The following PREX2 variants were observed in gnomAD, a reference collection of about 807,000 sequenced individuals.
PREX2 encodes the protein phosphatidylinositol-3,4,5-trisphosphate dependent Rac exchange factor 2, also known as phosphatidylinositol 3,4,5-trisphosphate-dependent Rac exchanger 2 protein.
A neutral mutation model predicts 203.2 loss-of-function variants in PREX2; 107 were observed. That is an observed-to-expected ratio of 0.53 (90% CI 0.45 to 0.62). The LOEUF (loss-of-function observed/expected upper bound fraction) is 0.62, where lower values mean the gene tolerates loss of function less well. Ranked by LOEUF, PREX2 falls within the 20% of genes least tolerant of loss-of-function variation. The pLI, the probability that PREX2 is intolerant of heterozygous loss-of-function variation, is 0.00. For missense variants in PREX2, 1,777 were observed against 1,955.9 expected, an observed-to-expected ratio of 0.91 and a Z score of 1.72; for synonymous variants, 672 against 663.6, an observed-to-expected ratio of 1.01 and a Z score of -0.19.
At chr8:68,140,621 G>C (rs1811209931) in intron 33 of PREX2, among the ~76,000 whole-genome samples, 1 of 152,268 alleles carries the variant, frequency 6.6e-6, no homozygotes, top group Non-Finnish European at 1.5e-5. Context: ...GAAGCATGAA[G>C]GTGTAAAGAC....
chr8:68,024,734 C>T (rs1357796940), intron 4 of PREX2, among the ~76,000 whole-genome samples: 1 of 151,906 alleles, frequency 6.6e-6, no homozygotes, highest in Non-Finnish European at 1.5e-5. Context: ...TTACCACCTA[C>T]TTTTGTGTCA....
At position 68,038,256 on chromosome 8, in the gene PREX2, T is replaced by C. The variant is rs766147306; in HGVS notation, c.803T>C (p.Phe268Ser). The C allele has an allele frequency of 1.2e-6, 2 of 1,613,920 alleles. No homozygotes were observed. Among genetic ancestry groups the C allele is most frequent in the South Asian group, 1.1e-5 (1 of 91,076 alleles). Residue 268 changes from phenylalanine (F) to serine (S), a missense_variant, in exon 7 of 40, where the codon TTC (phenylalanine) becomes TCC (serine). Physicochemically the swap from Phe to Ser is radical, Grantham distance 155 (BLOSUM62 -2). Coordinates refer to ENST00000288368, the MANE Select transcript of PREX2 (RefSeq NM_024870.4). ...ATTCAAGAACGGGTGTTTTTTCTTT[T>C]CGATAATCTTTTGGTGTACTGCAAA... ...GNIQERVFFL[F>S]DNLLVYCKRK...
chr8:68,090,543 ATTTG>A, intron 19 of PREX2, 32 bp from the exon 20 acceptor site: 1 of 1,572,186 alleles, frequency 6.4e-7, no homozygotes, highest in Non-Finnish European at 8.7e-7. Context: ...TATTCCTGAA[ATTTG>A]TTTTTGGTTA....
intron 6 of PREX2, among the ~76,000 whole-genome samples, chr8:68,033,572 C>T (rs1439401266): frequency 6.6e-6 from 1 of 152,164 alleles, no homozygotes; most frequent in African/African-American, 2.4e-5. Flanking sequence ...GCTACAGTGT[C>T]AGACCTGAGA....
intron 35 of PREX2, among the ~76,000 whole-genome samples, chr8:68,185,332 C>G (rs757092458): frequency 6.6e-5 from 10 of 152,310 alleles, no homozygotes; most frequent in Non-Finnish European, 1.3e-4. Flanking sequence ...TTCTCTCTCT[C>G]TCTACCTTAC....
In PREX2 at chr8:68,119,457, C is replaced by T. The variant is rs1810723322; in HGVS notation, c.3447C>T (p.Arg1149=). Residue 1149 remains arginine, a synonymous_variant, in exon 28 of 40, where the codon CGC becomes CGT. Transcript: ENST00000288368. ...DSGDELPLSV[R]ISHDKQDKIH... is the part of the protein sequence containing the mutation. The stretch of plus-strand genomic sequence containing the variant: ...GTGATGAACTTCCCTTAAGTGTTCG[C>T]ATATCTCATGATAAACAGGACAAGA... The T allele has an allele frequency of 6.2e-7, 1 of 1,613,632 alleles. No homozygotes were observed. The highest frequency in any genetic ancestry group is 8.5e-7 in the Non-Finnish European group (1 of 1,179,682).
At chr8:67,984,631 A>G (rs1455113261) in intron 1 of PREX2, among the ~76,000 whole-genome samples, 1 of 152,190 alleles carries the variant, frequency 6.6e-6, no homozygotes, top group African/African-American at 2.4e-5. Context: ...ACTTGTGGCA[A>G]TTCAGTGCCA....
chr8:68,069,858 T>G lies in PREX2; in HGVS notation c.1467T>G (p.Leu489=). 6.4e-7 allele frequency: 1 copy of G among 1,559,090 alleles called. No homozygotes were observed. Among genetic ancestry groups the G allele is most frequent in the Non-Finnish European group, 8.8e-7 (1 of 1,139,018 alleles). The change falls in exon 13 of 40, where the codon CTT becomes CTG. Residue 489 remains leucine, a synonymous_variant. Coordinates refer to ENST00000288368, the MANE Select transcript of PREX2 (RefSeq NM_024870.4). Reference sequence around the variant, plus strand: ...AGGGTGTAAGATTATATTGTCGTCTTCATAGCCTTTTTACTCCAGTGATAA... The same window carrying G: ...AGGGTGTAAGATTATATTGTCGTCTGCATAGCCTTTTTACTCCAGTGATAA... ...ISKGVRLYCR[L]HSLFTPVIRD... is the part of the protein sequence containing the mutation.
Position 68,217,603 on chromosome 8 carries a change from C to A in PREX2, c.4605-13C>A. On this transcript the variant is annotated splice_polypyrimidine_tract_variant and intron_variant, in intron 37 of 39. Coordinates refer to ENST00000288368, the MANE Select transcript of PREX2 (RefSeq NM_024870.4). Reference sequence around the variant, plus strand: ...AACCATGGGGTCTGACTTGCCCTTGCCTTGGCCCACAGGTGCACCCTGAGC... The same window carrying A: ...AACCATGGGGTCTGACTTGCCCTTGACTTGGCCCACAGGTGCACCCTGAGC... 6.2e-7 allele frequency: 1 copy of A among 1,611,372 alleles called. No individual in the cohort carries two copies. Among genetic ancestry groups the A allele is most frequent in the Admixed American group, 1.7e-5 (1 of 60,024 alleles).
At chr8:68,089,713 T>C (rs1809809514) in intron 19 of PREX2, among the ~76,000 whole-genome samples, 1 of 152,250 alleles carries the variant, frequency 6.6e-6, no homozygotes, top group African/African-American at 2.4e-5. Flanking sequence ...TATTCTTGAA[T>C]GTAAATTATT....
intron 35 of PREX2, among the ~76,000 whole-genome samples, chr8:68,187,730 T>C (rs1231470804): frequency 1.3e-5 from 2 of 152,196 alleles, no homozygotes; most frequent in African/African-American, 2.4e-5. Flanking sequence ...ATGCCGCCTC[T>C]GTTCCAAGCA....
At chr8:68,115,003 C>CTTTCT (rs1171360067) in intron 25 of PREX2, among the ~76,000 whole-genome samples, 2 of 130,594 alleles carry the variant, frequency 1.5e-5, no homozygotes, top group Non-Finnish European at 3.3e-5. Context: ...TTTTTCTTTT[C>CTTTCT]TTTCTTTTCT....
intron 1 of PREX2, among the ~76,000 whole-genome samples, chr8:67,978,590 C>T (rs895605704): frequency 5.9e-5 from 9 of 152,158 alleles, no homozygotes; most frequent in African/African-American, 1.7e-4. Flanking sequence ...GAATGTAATA[C>T]GCTTCATCCA....
intron 24 of PREX2, chr8:68,108,913 G>C: frequency 3.4e-6 from 1 of 297,350 alleles, no homozygotes; most frequent in Non-Finnish European, 6.7e-6. Flanking sequence ...AATGAACCTG[G>C]AAGATATTAT....
At chr8:68,209,067 AT>A (rs1330339938) in intron 37 of PREX2, among the ~76,000 whole-genome samples, 38 of 141,564 alleles carry the variant, frequency 2.7e-4, no homozygotes, top group African/African-American at 9.8e-4. Context: ...ACCTGGACTC[AT>A]TTAAAAAAAA....
intron 7 of PREX2, among the ~76,000 whole-genome samples, chr8:68,042,446 A>G (rs1395256906): frequency 3.3e-5 from 5 of 152,040 alleles, no homozygotes; most frequent in African/African-American, 1.2e-4. Context: ...ATTTGTATTC[A>G]ACATAGTTTC....
rs1049193896 is a variant in PREX2, at chr8:68,097,086, A to T, written c.2438A>T (p.Asp813Val). The change falls in exon 22 of 40, where the codon GAC becomes GTC. Residue 813 changes from aspartate to valine, a missense_variant. By Grantham distance (152) the Asp-to-Val change is radical (BLOSUM62 -3). Coordinates refer to ENST00000288368, the MANE Select transcript of PREX2 (RefSeq NM_024870.4). Reference sequence around the variant, plus strand: ...AAGGAGCATGTGAGTCTGACAGTGGACAATGTCCACCTGGAATATGGTGTC... The same window carrying T: ...AAGGAGCATGTGAGTCTGACAGTGGTCAATGTCCACCTGGAATATGGTGTC... The part of the protein sequence containing the change: ...GKKEHVSLTV[D>V]NVHLEYGVVY... 50 of 1,614,022 alleles carry T rather than the reference A, an allele frequency of 3.1e-5. No individual in the cohort carries two copies. The highest frequency in any genetic ancestry group is 4.1e-5 in the Non-Finnish European group (48 of 1,179,916).
chr8:68,143,268 CT>C (rs138894471), intron 33 of PREX2, among the ~76,000 whole-genome samples: 17,232 of 151,906 alleles, frequency 0.11, 1,249 homozygotes, highest in East Asian at 0.2. Context: ...TGCCTTCCCC[CT>C]GGTACTGTCT....
At chr8:68,060,267 G>A (rs992777394) in intron 10 of PREX2, among the ~76,000 whole-genome samples, 2 of 152,054 alleles carry the variant, frequency 1.3e-5, no homozygotes, top group Non-Finnish European at 2.9e-5. Context: ...AGACAGTTTA[G>A]CTCTTTATAT....
Sources: allele counts gnomAD v4.1 joint callset (sites outside exome capture counted in the v4.1 genomes callset), GRCh38; gene constraint gnomAD v4.1.1; transcripts MANE v1.5; gene names NCBI Gene and HGNC (gene_info 2026-07-23, HGNC 2026-07-21).